CCDC102B: variants seen among roughly 807,000 people sequenced by gnomAD.
CCDC102B encodes the protein coiled-coil domain-containing protein 102B.
A neutral mutation model predicts 57.4 loss-of-function variants in CCDC102B; 75 were observed. The observed-to-expected ratio is 1.31, with a 90% CI of 1.08 to 1.58. CCDC102B has a LOEUF of 1.58. Ranked by LOEUF, CCDC102B falls within the 40% of genes most tolerant of loss-of-function variation. CCDC102B has a pLI of 0.00. For missense variants in CCDC102B, 636 were observed against 582.6 expected (o/e 1.09, Z -0.94); for synonymous variants, 206 against 201.9 (o/e 1.02, Z -0.17).
At chr18:68,923,811 T>C (rs774827065) in intron 6 of CCDC102B, among the ~76,000 whole-genome samples, 22 of 152,092 alleles carry the variant, frequency 1.4e-4, no homozygotes, top group Admixed American at 3.9e-4. Flanking sequence ...ACATTCCATC[T>C]GAGACATGGT....
At chr18:68,928,206 G>A (rs994083486) in intron 6 of CCDC102B, among the ~76,000 whole-genome samples, 11 of 151,884 alleles carry the variant, frequency 7.2e-5, no homozygotes, top group African/African-American at 2.7e-4. Flanking sequence ...CAGTTATTAA[G>A]TTACGGTTTC....
chr18:68,943,980 T>A (rs2049461176), intron 6 of CCDC102B, among the ~76,000 whole-genome samples: 1 of 151,960 alleles, frequency 6.6e-6, no homozygotes, highest in Non-Finnish European at 1.5e-5. Flanking sequence ...TTCATTAGAG[T>A]TAGATATAGA....
intron 6 of CCDC102B, among the ~76,000 whole-genome samples, chr18:68,955,813 G>A (rs1045878502): frequency 6.6e-6 from 1 of 151,924 alleles, no homozygotes; most frequent in Non-Finnish European, 1.5e-5. Context: ...AAATTATGGG[G>A]TATGTGAGAT....
intron 2 of CCDC102B, among the ~76,000 whole-genome samples, chr18:68,725,686 G>C (rs543743320): frequency 6.6e-6 from 1 of 152,160 alleles, no homozygotes; most frequent in South Asian, 2.1e-4. Flanking sequence ...TTGAGGGCCT[G>C]TGTGGTTATT....
intron 1 of CCDC102B, among the ~76,000 whole-genome samples, chr18:68,825,899 A>G (rs1171330166): frequency 6.6e-6 from 1 of 152,158 alleles, no homozygotes; most frequent in Non-Finnish European, 1.5e-5. Flanking sequence ...ATGAATCTGT[A>G]CAGTGTTCTC....
At chr18:68,959,074 G>T (rs1237578140) in intron 6 of CCDC102B, among the ~76,000 whole-genome samples, 1 of 152,140 alleles carries the variant, frequency 6.6e-6, no homozygotes, top group Non-Finnish European at 1.5e-5. Flanking sequence ...GTTCATCAGT[G>T]TGTGGGCATT....
intron 2 of CCDC102B, among the ~76,000 whole-genome samples, chr18:68,731,060 C>T (rs931713806): frequency 6.6e-6 from 1 of 152,128 alleles, no homozygotes; most frequent in Non-Finnish European, 1.5e-5. Flanking sequence ...GATCTTGGCT[C>T]GCTCCAACTT....
At chr18:68,812,194 G>A (rs990784141) in intron 1 of CCDC102B, among the ~76,000 whole-genome samples, 1 of 151,436 alleles carries the variant, frequency 6.6e-6, no homozygotes, top group Non-Finnish European at 1.5e-5. Context: ...TCCCTTAGGA[G>A]GATTAACCAT....
chr18:68,863,206 C>A (rs1322140473), intron 4 of CCDC102B, among the ~76,000 whole-genome samples: 1 of 151,066 alleles, frequency 6.6e-6, no homozygotes, highest in Non-Finnish European at 1.5e-5. Flanking sequence ...ATATCTATTT[C>A]TCCTTTTTCT....
At chr18:68,889,580 C>T (rs181212956) in intron 5 of CCDC102B, among the ~76,000 whole-genome samples, 10 of 152,108 alleles carry the variant, frequency 6.6e-5, no homozygotes, top group Admixed American at 1.3e-4. Context: ...CCACCACACC[C>T]GGCTAATTTT....
intron 6 of CCDC102B, among the ~76,000 whole-genome samples, chr18:68,967,175 C>G (rs1196708292): frequency 4.9e-3 from 1 of 204 alleles, no homozygotes. Context: ...TAGAACACCC[C>G]TCTTCCCCTC....
chr18:68,789,054 A>C (rs369328425), intron 2 of CCDC102B, among the ~76,000 whole-genome samples: 1 of 152,036 alleles, frequency 6.6e-6, no homozygotes, highest in African/African-American at 2.4e-5. Context: ...GCATTTGCTT[A>C]TCTGTAAAGT....
rs1011889859 is a variant in CCDC102B, at chr18:68,831,388, A to G, written c.-15-5361A>G. ...TGCTTACTGTATTAATTCCATGCCA[A>G]TTCTTTAAAATAGAGGTAATATCTA... On this transcript the variant is annotated intron_variant, in intron 1 of 7. Transcript: ENST00000360242. 3.3e-5 allele frequency among the ~76,000 whole-genome samples: 5 copies of G among 152,078 alleles called. No homozygotes were observed. The East Asian group carries it at 5.8e-4, about 18-fold the overall frequency.
Position 69,022,211 on chromosome 18 carries a change from A to ATATATATG in CCDC102B, c.1434+11114_1434+11115insGTATATAT, listed in dbSNP as rs1555673513. On this transcript the variant is annotated intron_variant, in intron 7 of 7. Coordinates refer to ENST00000360242, the MANE Select transcript of CCDC102B (RefSeq NM_024781.3). ...CTTTAGCCTATATATATATATATAT[A>ATATATATG]TATATATATATAACACACACACACG... Among the ~76,000 whole-genome samples the ATATATATG allele has an allele frequency of 2.1e-3, 76 of 37,002 alleles. 2 individuals carry two copies. The highest frequency in any genetic ancestry group is 4.3e-3 in the African/African-American group (72 of 16,722). 24.3% of individuals were successfully genotyped at this position (37,002 alleles called of 152,430 possible). A position where few individuals can be genotyped will look rare whatever the true frequency, so the allele number is the denominator to read the frequency against.
intron 6 of CCDC102B, among the ~76,000 whole-genome samples, chr18:68,919,559 A>T (rs1253629677): frequency 6.6e-6 from 1 of 152,150 alleles, no homozygotes; most frequent in Non-Finnish European, 1.5e-5. Context: ...TACTACTGGA[A>T]TTTGAGGCAA....
chr18:68,722,441 C>T (rs1311565055), intron 2 of CCDC102B, among the ~76,000 whole-genome samples: 1 of 152,138 alleles, frequency 6.6e-6, no homozygotes, highest in East Asian at 1.9e-4. Flanking sequence ...AAAGACACCC[C>T]ACCACCATGA....
intron 6 of CCDC102B, among the ~76,000 whole-genome samples, chr18:68,988,274 T>C (rs2050775097): frequency 6.6e-6 from 1 of 152,092 alleles, no homozygotes. Context: ...GCAATCACCC[T>C]AAGCAAATTA....
At chr18:68,897,081 C>A in intron 5 of CCDC102B, 138 bp from the exon 6 acceptor site, 1 of 635,334 alleles carries the variant, frequency 1.6e-6, no homozygotes, top group East Asian at 2.7e-5. Context: ...TGTTTTCAAA[C>A]AAATAGAATT....
chr18:68,837,500 C>T, intron 2 of CCDC102B, 131 bp downstream of exon 2: 1 of 841,922 alleles, frequency 1.2e-6, no homozygotes, highest in Admixed American at 2.4e-5. Context: ...GTACCATAAT[C>T]ACAGTGGTTT....
Sources: gnomAD v4.1 joint callset for allele counts (sites outside exome capture counted in the v4.1 genomes callset) on GRCh38, gnomAD v4.1.1 for gene constraint, MANE v1.5 for transcripts, NCBI Gene and HGNC (gene_info 2026-07-23, HGNC 2026-07-21) for gene names.